Variants in ARHGAP44 observed in about 807,000 individuals in gnomAD.
ARHGAP44 encodes Rho GTPase activating protein 44.
A neutral mutation model predicts 106.8 loss-of-function variants in ARHGAP44; 43 were observed. That is an observed-to-expected ratio of 0.40 (90% CI 0.32 to 0.52). The LOEUF (loss-of-function observed/expected upper bound fraction) is 0.52. ARHGAP44 is among the 20% of genes least tolerant of loss of function. ARHGAP44 has a pLI of 0.48. For synonymous variants in ARHGAP44, 439 were observed against 410.3 expected (o/e 1.07, Z -0.85); for missense variants, 866 against 1,050.5 (o/e 0.82, Z 2.43).
intron 1 of ARHGAP44, among the ~76,000 whole-genome samples, chr17:12,829,669 C>T (rs1225779753): frequency 6.6e-6 from 1 of 152,110 alleles, no homozygotes; most frequent in South Asian, 2.1e-4. Context: ...CATATTCCAC[C>T]TTAAGGCTTT....
chr17:12,920,047 A>T (rs2038028962), intron 6 of ARHGAP44, among the ~76,000 whole-genome samples: 1 of 152,098 alleles, frequency 6.6e-6, no homozygotes, highest in South Asian at 2.1e-4. Context: ...ACACTAGGCA[A>T]GTGAAGAAAC....
intron 6 of ARHGAP44, among the ~76,000 whole-genome samples, chr17:12,923,686 G>GTA (rs1441392036): frequency 2.0e-5 from 3 of 152,134 alleles, no homozygotes; most frequent in African/African-American, 7.2e-5. Context: ...TTTAGCAAAG[G>GTA]TATACTCTTT....
At chr17:12,885,378 T>C (rs1452301229) in intron 1 of ARHGAP44, among the ~76,000 whole-genome samples, 1 of 151,068 alleles carries the variant, frequency 6.6e-6, no homozygotes, top group East Asian at 1.9e-4. Flanking sequence ...TTCTCTAGAG[T>C]GGCTCTGCTG....
At chr17:12,888,280 A>G (rs1292776589) in intron 1 of ARHGAP44, among the ~76,000 whole-genome samples, 1 of 152,240 alleles carries the variant, frequency 6.6e-6, no homozygotes, top group East Asian at 1.9e-4. Context: ...GGTTGTGCCC[A>G]ACATTTTTAC....
chr17:12,885,491 A>C (rs989359692), intron 1 of ARHGAP44, among the ~76,000 whole-genome samples: 3 of 151,154 alleles, frequency 2.0e-5, no homozygotes, highest in African/African-American at 2.4e-5. Context: ...AATGTGTGAG[A>C]GTTCCAGTTA....
intron 1 of ARHGAP44, among the ~76,000 whole-genome samples, chr17:12,861,296 T>C (rs2036065061): frequency 6.6e-6 from 1 of 152,134 alleles, no homozygotes; most frequent in South Asian, 2.1e-4. Context: ...CTGGCCATGG[T>C]ATATTGTTTT....
chr17:12,982,206 G>T (rs1420012746), intron 19 of ARHGAP44, among the ~76,000 whole-genome samples: 3 of 152,074 alleles, frequency 2.0e-5, no homozygotes, highest in African/African-American at 4.8e-5. Context: ...AGTGACTCAG[G>T]TCCCTTTCCC....
At chr17:12,896,559 A>G in intron 3 of ARHGAP44, 48 bp downstream of exon 3, 1 of 1,502,222 alleles carries the variant, frequency 6.7e-7, no homozygotes, top group South Asian at 1.2e-5. Context: ...CCTACTGAGG[A>G]CAAGGTTCCT....
chr17:12,841,634 ACACAC>A (rs2035405396), intron 1 of ARHGAP44, among the ~76,000 whole-genome samples: 1 of 117,556 alleles, frequency 8.5e-6, no homozygotes, highest in South Asian at 2.5e-4. Context: ...ACACACACAC[ACACAC>A]AAACAAACAA....
At chr17:12,837,695 T>C (rs2035277534) in intron 1 of ARHGAP44, among the ~76,000 whole-genome samples, 2 of 151,828 alleles carry the variant, frequency 1.3e-5, no homozygotes, top group South Asian at 2.1e-4. Flanking sequence ...GGGTTAACAA[T>C]GACTTTCTGG....
rs890915818 is a variant in ARHGAP44, at chr17:12,789,973, A to T, written c.53+82A>T. On this transcript the variant is annotated intron_variant, in intron 1 of 20. Coordinates refer to ENST00000379672, the MANE Select transcript of ARHGAP44 (RefSeq NM_014859.6). ...GGCGCGCAGGTGATGGAGCCCGCCC[A>T]GCCTCCAGTCCTCCTTGCCTCAGTC... 1.4e-4 allele frequency: 178 copies of T among 1,284,658 alleles called. 2 individuals are homozygous for T. In the Middle Eastern group the frequency reaches 2.1e-3, roughly 15 times the overall value. The allele number at this position is 1,284,658 out of a possible 1,614,324, so 79.6% of individuals were successfully genotyped here.
chr17:12,937,528 C>G (rs555458087), intron 7 of ARHGAP44, among the ~76,000 whole-genome samples: 34 of 152,302 alleles, frequency 2.2e-4, no homozygotes, highest in African/African-American at 8.2e-4. Flanking sequence ...CTTTTTACTT[C>G]AGTGAGTTAT....
intron 1 of ARHGAP44, among the ~76,000 whole-genome samples, chr17:12,818,832 T>C (rs549462349): frequency 6.6e-6 from 1 of 152,210 alleles, no homozygotes; most frequent in South Asian, 2.1e-4. Flanking sequence ...AATCTGTTTA[T>C]GATGTCATTT....
intron 6 of ARHGAP44, among the ~76,000 whole-genome samples, chr17:12,923,486 G>A (rs2038144551): frequency 6.6e-6 from 1 of 151,906 alleles, no homozygotes; most frequent in Non-Finnish European, 1.5e-5. Context: ...CAAAGTGCTG[G>A]GTTTACAGGC....
chr17:12,802,948 TATATATA>T (rs2034148553), intron 1 of ARHGAP44, among the ~76,000 whole-genome samples: 1 of 36,228 alleles, frequency 2.8e-5, no homozygotes, highest in African/African-American at 1.2e-4. Flanking sequence ...TATATATATA[TATATATA>T]TATATATATA....
intron 1 of ARHGAP44, among the ~76,000 whole-genome samples, chr17:12,872,973 G>C (rs1398346586): frequency 1.3e-5 from 2 of 152,120 alleles, no homozygotes; most frequent in African/African-American, 4.8e-5. Flanking sequence ...CCCGACATTA[G>C]CGTAACCATG....
intron 1 of ARHGAP44, among the ~76,000 whole-genome samples, chr17:12,819,600 T>C (rs1008181333): frequency 2.0e-4 from 31 of 151,462 alleles, no homozygotes; most frequent in Admixed American, 9.2e-4. Flanking sequence ...TTTTTTTTAA[T>C]TTTTGCCACT....
chr17:12,981,835 AC>A (rs2039839251), intron 19 of ARHGAP44, among the ~76,000 whole-genome samples: 2 of 148,178 alleles, frequency 1.3e-5, no homozygotes, highest in Non-Finnish European at 3.0e-5. Context: ...ACGTGGTGAA[AC>A]CCGTCTCTAC....
chr17:12,922,240 AAAG>A (rs905466551), intron 6 of ARHGAP44, among the ~76,000 whole-genome samples: 3 of 152,214 alleles, frequency 2.0e-5, no homozygotes, highest in South Asian at 2.1e-4. Flanking sequence ...CTTTGTTAAA[AAAG>A]AAGAAGGGGA....
Sources: allele counts gnomAD v4.1 joint callset (sites outside exome capture counted in the v4.1 genomes callset), GRCh38; gene constraint gnomAD v4.1.1; transcripts MANE v1.5; gene names NCBI Gene and HGNC (gene_info 2026-07-23, HGNC 2026-07-21).